Variants in MPP3 observed in about 807,000 individuals in gnomAD.
MPP3 encodes the protein MAGUK p55 scaffold protein 3, also known as MAGUK p55 subfamily member 3.
Under a neutral mutation model 80.7 loss-of-function variants are expected in MPP3, and 48 were observed. The observed-to-expected ratio is 0.59, with a 90% CI of 0.47 to 0.76. The LOEUF (loss-of-function observed/expected upper bound fraction) is 0.76. Ranked by LOEUF, MPP3 falls within the 30% of genes least tolerant of loss-of-function variation. The probability of loss-of-function intolerance (pLI) is 0.00; values close to 1 mark genes in which losing one functional copy is unlikely to be tolerated. For missense variants in MPP3, 620 were observed against 763.0 expected (o/e 0.81, Z 2.21); for synonymous variants, 311 against 297.6 (o/e 1.04, Z -0.46).
Position 43,829,686 on chromosome 17 carries a change from T to C in MPP3, c.409A>G (p.Ile137Val), listed in dbSNP as rs768771603. 1.2e-5 allele frequency: 20 copies of C among 1,613,888 alleles called. No homozygotes were observed. Among genetic ancestry groups the C allele is most frequent in the Non-Finnish European group, 1.6e-5 (19 of 1,179,998 alleles). Residue 137 changes from isoleucine (I) to valine (V), a missense_variant, in exon 7 of 20, where the codon ATC becomes GTC. Physicochemically the swap from Ile to Val is conservative, Grantham distance 29. Coordinates refer to ENST00000398389, the MANE Select transcript of MPP3 (RefSeq NM_001932.6). ...DEDFDEESVK[I>V]VRLVKNKEPL... ...TCCTTGTTCTTCACCAAGCGGACGA[T>C]CTTCACCGATTCCTCATCAAAATCC... is the stretch of plus-strand genomic sequence containing the variant.
intron 11 of MPP3, chr17:43,819,042 GAC>G (rs1228337970): frequency 6.6e-6 from 1 of 152,308 alleles, no homozygotes; most frequent in East Asian, 1.9e-4. Context: ...TTCCCGAGGA[GAC>G]AGAGCTTCGT....
intron 16 of MPP3, 47 bp from the exon 17 acceptor site, chr17:43,811,252 G>A (rs1187624300): frequency 5.5e-6 from 8 of 1,455,106 alleles, no homozygotes; most frequent in Non-Finnish European, 7.7e-6. Flanking sequence ...TCACATCACA[G>A]CACGCAGGGA....
intron 16 of MPP3, among the ~76,000 whole-genome samples, chr17:43,813,512 C>A (rs539294359): frequency 6.6e-6 from 1 of 152,214 alleles, no homozygotes; most frequent in East Asian, 1.9e-4. Flanking sequence ...GCAGTAAGCC[C>A]CAGGAATTGG....
At chr17:43,803,559 T>C (rs2044500166) in intron 19 of MPP3, among the ~76,000 whole-genome samples, 1 of 152,168 alleles carries the variant, frequency 6.6e-6, no homozygotes, top group Admixed American at 6.5e-5. Context: ...CCCCATTAAC[T>C]TGTGGTCAGC....
At chr17:43,828,517 T>C (rs2045817837) in intron 7 of MPP3, among the ~76,000 whole-genome samples, 1 of 152,152 alleles carries the variant, frequency 6.6e-6, no homozygotes, top group Non-Finnish European at 1.5e-5. Context: ...AACAAGGAAA[T>C]CTCTTATCCT....
intron 12 of MPP3, among the ~76,000 whole-genome samples, chr17:43,817,064 T>C (rs929983867): frequency 9.2e-5 from 14 of 152,096 alleles, no homozygotes; most frequent in Non-Finnish European, 1.3e-4. Context: ...TTTTCTGGGG[T>C]TGGAGTCTGG....
intron 8 of MPP3, among the ~76,000 whole-genome samples, chr17:43,827,041 A>C: frequency 6.6e-6 from 1 of 151,352 alleles, no homozygotes; most frequent in East Asian, 1.9e-4. Context: ...TTGAGACGGA[A>C]TTTCACTCTT....
intron 5 of MPP3, among the ~76,000 whole-genome samples, chr17:43,830,930 C>A (rs1304432775): frequency 1.3e-5 from 2 of 152,186 alleles, no homozygotes; most frequent in Non-Finnish European, 2.9e-5. Flanking sequence ...GTCCTCAGGG[C>A]AGTTTGGGAA....
Position 43,820,976 on chromosome 17 carries a change from C to G in MPP3, c.767G>C (p.Arg256Pro). 3 of 1,612,628 alleles carry G rather than the reference C, an allele frequency of 1.9e-6. No individual in the cohort carries two copies. The African/African-American group carries it at 4.0e-5, about 21-fold the overall frequency. The change falls in exon 11 of 20, where the codon CGC becomes CCC. Residue 256 changes from arginine to proline, a missense_variant. Coordinates refer to ENST00000398389, the MANE Select transcript of MPP3 (RefSeq NM_001932.6). ...GCTCACCACCTCCAGGACCTGCCTG[C>G]GCTGGAAGGGCAGGCCCGCCTCCTG... Reference protein sequence around the residue: ...PCQEAGLPFQRRQVLEVVSQD... With the variant: ...PCQEAGLPFQPRQVLEVVSQD...
chr17:43,820,517 G>A (rs1323428689), intron 11 of MPP3, among the ~76,000 whole-genome samples: 3 of 151,298 alleles, frequency 2.0e-5, no homozygotes, highest in Non-Finnish European at 4.4e-5. Context: ...GCTTGAACCC[G>A]GGAGGTGGAG....
chr17:43,831,744 G>C, intron 3 of MPP3, 67 bp from the exon 4 acceptor site: 1 of 1,444,076 alleles, frequency 6.9e-7, no homozygotes, highest in Non-Finnish European at 9.5e-7. Context: ...CGAGGAGCCC[G>C]AGTGGGGCCT....
At chr17:43,805,388 C>T (rs973941915) in intron 19 of MPP3, among the ~76,000 whole-genome samples, 3 of 152,172 alleles carry the variant, frequency 2.0e-5, no homozygotes, top group Admixed American at 6.5e-5. Flanking sequence ...TAAAATGGTA[C>T]AGCTGCCATG....
intron 16 of MPP3, among the ~76,000 whole-genome samples, chr17:43,811,877 G>A (rs943336010): frequency 1.3e-5 from 2 of 152,180 alleles, no homozygotes; most frequent in African/African-American, 4.8e-5. Flanking sequence ...ACAGACATGA[G>A]CCACCGCGCC....
chr17:43,808,915 C>T (rs1247828970), intron 19 of MPP3, 41 bp downstream of exon 19: 3 of 1,579,138 alleles, frequency 1.9e-6, no homozygotes, highest in African/African-American at 2.7e-5. Context: ...TAACAGCCTC[C>T]CTTAGGCCTT....
intron 8 of MPP3, among the ~76,000 whole-genome samples, chr17:43,826,784 T>C (rs928863580): frequency 1.1e-4 from 16 of 151,764 alleles, no homozygotes; most frequent in African/African-American, 3.9e-4. Flanking sequence ...CATGAGCTTT[T>C]TCTCAATCAC....
At chr17:43,802,671 G>A (rs1351022958) in intron 19 of MPP3, among the ~76,000 whole-genome samples, 1 of 152,132 alleles carries the variant, frequency 6.6e-6, no homozygotes, top group Non-Finnish European at 1.5e-5. Flanking sequence ...GCCTGGTTTT[G>A]GAAAACAGGA....
chr17:43,807,457 A>G (rs2044668030), intron 19 of MPP3, among the ~76,000 whole-genome samples: 1 of 151,312 alleles, frequency 6.6e-6, no homozygotes, highest in Non-Finnish European at 1.5e-5. Flanking sequence ...AGCTAGGACT[A>G]TAGGTTTGTG....
intron 14 of MPP3, chr17:43,815,696 G>T: frequency 2.1e-6 from 1 of 479,672 alleles, no homozygotes; most frequent in Middle Eastern, 3.0e-4. Flanking sequence ...GGGCTCTGGA[G>T]AGCCGCAAAC....
intron 3 of MPP3, 83 bp from the exon 4 acceptor site, chr17:43,831,760 A>T: frequency 1.4e-6 from 2 of 1,426,682 alleles, no homozygotes; most frequent in Non-Finnish European, 1.9e-6. Context: ...GGCCTCAAAC[A>T]GCACTTCAGT....
Sources: allele counts gnomAD v4.1 joint callset (sites outside exome capture counted in the v4.1 genomes callset), GRCh38; gene constraint gnomAD v4.1.1; transcripts MANE v1.5; gene names NCBI Gene and HGNC (gene_info 2026-07-23, HGNC 2026-07-21).